The following FHIT variants were observed in gnomAD, a reference collection of about 807,000 sequenced individuals.
The protein encoded by FHIT is bis(5'-adenosyl)-triphosphatase.
Under a neutral mutation model 17.9 loss-of-function variants are expected in FHIT, and 19 were observed. The observed-to-expected ratio is 1.06, with a 90% CI of 0.74 to 1.56. FHIT has a LOEUF of 1.56. FHIT is among the 40% of genes most tolerant of loss of function. The pLI is 0.00. For missense variants in FHIT, 248 were observed against 189.2 expected (o/e 1.31, Z -1.82); for synonymous variants, 81 against 69.7 (o/e 1.16, Z -0.81).
At chr3:60,783,480 C>G (rs1700463271) in intron 4 of FHIT, among the ~76,000 whole-genome samples, 1 of 152,098 alleles carries the variant, frequency 6.6e-6, no homozygotes, top group Admixed American at 6.5e-5. Flanking sequence ...AGAACAAGGC[C>G]AAGGTTTTCT....
chr3:59,799,845 G>T (rs1202415898), intron 8 of FHIT, among the ~76,000 whole-genome samples: 1 of 152,162 alleles, frequency 6.6e-6, no homozygotes, highest in East Asian at 1.9e-4. Context: ...AGTCCCTTGT[G>T]GGGGCGATTT....
chr3:60,161,730 G>GGT (rs1700949596), intron 5 of FHIT, among the ~76,000 whole-genome samples: 1 of 152,064 alleles, frequency 6.6e-6, no homozygotes, highest in South Asian at 2.1e-4. Flanking sequence ...TAAACAAGCA[G>GGT]GTGTGTGCCT....
chr3:59,778,922 A>C (rs1195760745), intron 8 of FHIT, among the ~76,000 whole-genome samples: 1 of 152,200 alleles, frequency 6.6e-6, no homozygotes, highest in East Asian at 1.9e-4. Flanking sequence ...AGCTTTTGTA[A>C]GAAACCTCAC....
intron 4 of FHIT, among the ~76,000 whole-genome samples, chr3:60,667,639 A>G (rs1040410981): frequency 1.3e-5 from 2 of 151,912 alleles, no homozygotes; most frequent in African/African-American, 4.8e-5. Context: ...TTTCTCATTC[A>G]ATTTGTGATT....
intron 4 of FHIT, chr3:60,617,307 A>T (rs1337398264): frequency 5.6e-6 from 1 of 177,970 alleles, no homozygotes; most frequent in African/African-American, 2.4e-5. Context: ...ATGAAAACCT[A>T]AACTTAGGGA....
intron 5 of FHIT, among the ~76,000 whole-genome samples, chr3:60,050,895 A>C (rs1701845366): frequency 1.3e-5 from 2 of 152,060 alleles, no homozygotes; most frequent in African/African-American, 2.4e-5. Context: ...CCAGGGGATT[A>C]CTCTAAAGAG....
intron 7 of FHIT, among the ~76,000 whole-genome samples, chr3:60,009,827 T>C (rs1299734785): frequency 1.3e-5 from 2 of 152,206 alleles, no homozygotes. Context: ...CAACCACTAA[T>C]CTACTTTCTA....
At chr3:59,871,140 T>G (rs1702903793) in intron 8 of FHIT, among the ~76,000 whole-genome samples, 2 of 152,162 alleles carry the variant, frequency 1.3e-5, no homozygotes, top group African/African-American at 4.8e-5. Context: ...CAGCGACATT[T>G]TGAATGGCCT....
rs554430912 is a variant in FHIT, at chr3:60,052,098, T to G, written c.104-37946A>C. Among the ~76,000 whole-genome samples, 3 of 152,314 alleles carry G rather than the reference T, an allele frequency of 2.0e-5. No homozygotes were observed. In the South Asian group the frequency reaches 6.2e-4, roughly 32 times the overall value. On this transcript the variant is annotated intron_variant, in intron 5 of 9. Transcript: ENST00000492590. ...ACTCTTGACTACCCCATGAGCCACT[T>G]GTTTTTAGGAGTGGCTTTCCCTTGT... is the stretch of plus-strand genomic sequence containing the variant.
At chr3:61,020,690 C>T (rs1458059581) in intron 3 of FHIT, among the ~76,000 whole-genome samples, 4 of 152,084 alleles carry the variant, frequency 2.6e-5, no homozygotes, top group East Asian at 1.9e-4. Context: ...TAAATGTAAA[C>T]AGGCTAAATG....
intron 5 of FHIT, among the ~76,000 whole-genome samples, chr3:60,150,482 A>G (rs1179099414): frequency 6.6e-6 from 1 of 152,058 alleles, no homozygotes; most frequent in East Asian, 1.9e-4. Context: ...ACTTTTTGAT[A>G]CTTATGATTA....
intron 5 of FHIT, among the ~76,000 whole-genome samples, chr3:60,296,379 C>T (rs891319511): frequency 1.3e-5 from 2 of 152,100 alleles, no homozygotes; most frequent in African/African-American, 4.8e-5. Flanking sequence ...CATAGATGTG[C>T]AGCGATATCT....
intron 8 of FHIT, among the ~76,000 whole-genome samples, chr3:59,814,357 C>T (rs1700520254): frequency 6.6e-6 from 1 of 152,144 alleles, no homozygotes; most frequent in Non-Finnish European, 1.5e-5. Flanking sequence ...ATGGTCTTGG[C>T]CTAAGGTGAG....
chr3:60,597,318 C>G (rs895428296), intron 4 of FHIT, among the ~76,000 whole-genome samples: 3 of 152,038 alleles, frequency 2.0e-5, no homozygotes, highest in African/African-American at 7.2e-5. Flanking sequence ...CAGCAGCTAA[C>G]AAGCAGTAAA....
chr3:59,922,431 A>C lies in FHIT; in HGVS notation c.280-17T>G. 3.7e-6 allele frequency: 6 copies of C among 1,608,378 alleles called. No homozygotes were observed. Among genetic ancestry groups the C allele is most frequent in the Non-Finnish European group, 5.1e-6 (6 of 1,175,756 alleles). On this transcript the variant is annotated splice_polypyrimidine_tract_variant and intron_variant, in intron 7 of 9. Transcript: ENST00000492590. ...GTGAACGTGCTGAAAATGTACAAGAAAGAAAAAAAATGTGATTATCTCCCC... is the reference window on the plus strand; with the variant it reads ...GTGAACGTGCTGAAAATGTACAAGACAGAAAAAAAATGTGATTATCTCCCC...
At chr3:61,040,942 G>T (rs904229922) in intron 3 of FHIT, among the ~76,000 whole-genome samples, 12 of 152,178 alleles carry the variant, frequency 7.9e-5, no homozygotes, top group African/African-American at 2.9e-4. Context: ...CAGAGATGGG[G>T]CTTCTTATCC....
intron 5 of FHIT, among the ~76,000 whole-genome samples, chr3:60,474,048 T>A (rs904499209): frequency 1.3e-5 from 2 of 152,070 alleles, no homozygotes; most frequent in Non-Finnish European, 2.9e-5. Context: ...AAAAAAGACA[T>A]CTTCATAAAT....
chr3:61,194,391 T>C (rs1222637005), intron 2 of FHIT, among the ~76,000 whole-genome samples: 7 of 152,066 alleles, frequency 4.6e-5, no homozygotes, highest in African/African-American at 1.7e-4. Flanking sequence ...GATGCTAAGG[T>C]ACCATACTTT....
intron 7 of FHIT, among the ~76,000 whole-genome samples, chr3:60,001,743 T>A (rs967612637): frequency 5.9e-5 from 9 of 152,060 alleles, no homozygotes; most frequent in Admixed American, 3.9e-4. Context: ...CCTTAAAGAG[T>A]GAGATTCATC....
Sources: gnomAD v4.1 joint callset for allele counts (sites outside exome capture counted in the v4.1 genomes callset) on GRCh38, gnomAD v4.1.1 for gene constraint, MANE v1.5 for transcripts, NCBI Gene and HGNC (gene_info 2026-07-23, HGNC 2026-07-21) for gene names.